DEK: variants seen among roughly 807,000 people sequenced by gnomAD.
DEK encodes protein DEK.
Under a neutral mutation model 46.8 loss-of-function variants are expected in DEK, and 28 were observed. That is an observed-to-expected ratio of 0.60 (90% CI 0.44 to 0.82). The LOEUF (loss-of-function observed/expected upper bound fraction) is 0.82. Ranked by LOEUF, DEK falls within the 40% of genes least tolerant of loss-of-function variation. The probability of loss-of-function intolerance (pLI) is 0.00; values close to 1 mark genes in which losing one functional copy is unlikely to be tolerated. For missense variants in DEK, 416 were observed against 430.6 expected (o/e 0.97, Z 0.30); for synonymous variants, 160 against 144.5 (o/e 1.11, Z -0.77).
chr6:18,236,568 G>T lies in DEK; in HGVS notation c.931C>A (p.Pro311Thr). Residue 311 changes from proline to threonine, a missense_variant, in exon 9 of 11, where the codon CCT (proline) becomes ACT (threonine). Coordinates refer to ENST00000652689, the MANE Select transcript of DEK (RefSeq NM_003472.4). The stretch of plus-strand genomic sequence containing the variant: ...GGTTTCTTCAACTTTTTAATTAAAG[G>T]TTCATCATCTGAACTATCCTCAGAC... ...SESEDSSDDE[P>T]LIKKLKKPPT... 1 of 1,580,010 alleles carries T rather than the reference G, an allele frequency of 6.3e-7. No individual in the cohort carries two copies. The highest frequency in any genetic ancestry group is 8.6e-7 in the Non-Finnish European group (1 of 1,169,044).
At chr6:18,241,124 T>C (rs1790875372) in intron 7 of DEK, among the ~76,000 whole-genome samples, 1 of 152,208 alleles carries the variant, frequency 6.6e-6, no homozygotes, top group Non-Finnish European at 1.5e-5. Flanking sequence ...TTGTATCTTG[T>C]GCTTTAGTCC....
chr6:18,254,061 T>A (rs75028548), intron 6 of DEK, among the ~76,000 whole-genome samples: 1 of 152,246 alleles, frequency 6.6e-6, no homozygotes, highest in East Asian at 1.9e-4. Context: ...CCAGGCACGG[T>A]AGCTCACGCC....
Position 18,258,064 on chromosome 6 carries a change from T to TG in DEK, c.248-3dup, listed in dbSNP as rs962586849. 1.9e-6 allele frequency: 3 copies of TG among 1,578,266 alleles called. No individual in the cohort carries two copies. Among genetic ancestry groups the TG allele is most frequent in the East Asian group, 2.2e-5 (1 of 44,626 alleles). On this transcript the variant is annotated splice_region_variant and splice_polypyrimidine_tract_variant and intron_variant, in intron 3 of 10. Transcript: ENST00000652689. Reference sequence around the variant, plus strand: ...TTTCACAAAGTTTCTGCCCCTTTCCTGGGGAAAAAAAAAAATCACAATTAA... The same window carrying TG: ...TTTCACAAAGTTTCTGCCCCTTTCCTGGGGGAAAAAAAAAAATCACAATTAA...
intron 7 of DEK, among the ~76,000 whole-genome samples, chr6:18,247,280 A>AG (rs973551428): frequency 6.6e-6 from 1 of 152,110 alleles, no homozygotes; most frequent in Non-Finnish European, 1.5e-5. Flanking sequence ...GGGAAAAAAA[A>AG]GGGGGGGAAA....
rs372079467 is a variant in DEK at position 18,249,790 on chromosome 6, C to T, written c.623G>A (p.Arg208Gln). 5.7e-5 allele frequency: 91 copies of T among 1,604,744 alleles called. No homozygotes were observed. Among genetic ancestry groups the T allele is most frequent in the Non-Finnish European group, 6.5e-5 (77 of 1,177,756 alleles). Reference protein sequence around the residue: ...KTCSKGSKKERNSSGMARKAK... With the variant: ...KTCSKGSKKEQNSSGMARKAK... ...CTTCCTTGCCATTCCAGAACTGTTC[C>T]GTTCCTTTTTACTGCCTTTGCTACA... The change falls in exon 7 of 11, where the codon CGG becomes CAG. Residue 208 changes from arginine (R) to glutamine (Q), a missense_variant. Arg to Gln is a conservative substitution (Grantham distance 43). Coordinates refer to ENST00000652689, the MANE Select transcript of DEK (RefSeq NM_003472.4).
intron 7 of DEK, among the ~76,000 whole-genome samples, chr6:18,239,460 T>C (rs1459127717): frequency 6.9e-6 from 1 of 145,918 alleles, no homozygotes; most frequent in Non-Finnish European, 1.5e-5. Context: ...ACACACCACC[T>C]CACCTGGCTG....
intron 6 of DEK, among the ~76,000 whole-genome samples, chr6:18,252,505 T>A (rs1791424015): frequency 1.5e-5 from 1 of 66,102 alleles, no homozygotes; most frequent in Non-Finnish European, 2.5e-5. Context: ...TAAAACGCTG[T>A]CTCCAAAAAA....
chr6:18,263,616 T>G (rs913114425), intron 2 of DEK, among the ~76,000 whole-genome samples: 1 of 152,130 alleles, frequency 6.6e-6, no homozygotes, highest in Non-Finnish European at 1.5e-5. Context: ...TGCACTCCAA[T>G]ACATCTCTAC....
chr6:18,255,993 C>CT (rs58144742), intron 5 of DEK, 142 bp from the exon 6 acceptor site: 11,359 of 712,684 alleles, frequency 0.016, no homozygotes, highest in East Asian at 0.054. Flanking sequence ...AATCTTTTTT[C>CT]TTTTTTTTTT....
At chr6:18,232,015 C>G (rs867160857) in intron 9 of DEK, among the ~76,000 whole-genome samples, 4 of 152,176 alleles carry the variant, frequency 2.6e-5, no homozygotes, top group South Asian at 4.2e-4. Flanking sequence ...CCTTATCTAC[C>G]ATGATTAAGT....
chr6:18,261,798 G>T (rs1254136218), intron 2 of DEK, among the ~76,000 whole-genome samples: 1 of 152,204 alleles, frequency 6.6e-6, no homozygotes, highest in Non-Finnish European at 1.5e-5. Flanking sequence ...TGGACTTACA[G>T]ATTTGGGACT....
intron 8 of DEK, 53 bp from the exon 9 acceptor site, chr6:18,236,653 A>G (rs1174435784): frequency 3.3e-6 from 4 of 1,229,200 alleles, no homozygotes; most frequent in Non-Finnish European, 3.2e-6. Flanking sequence ...TTAACATTTA[A>G]CAAAGGCTGA....
chr6:18,259,922 CCTA>C (rs1390868013), intron 2 of DEK, among the ~76,000 whole-genome samples: 2 of 152,128 alleles, frequency 1.3e-5, no homozygotes, highest in African/African-American at 4.8e-5. Flanking sequence ...TAAAACAACC[CCTA>C]CTATCACTCA....
In DEK at chr6:18,224,985, G is replaced by A. The variant is rs1272546989; in HGVS notation, c.*734C>T. The A allele has an allele frequency of 1.4e-5, 3 of 217,782 alleles. No individual in the cohort carries two copies. The East Asian group carries it at 2.0e-4, about 15-fold the overall frequency. The allele number at this position is 217,782 out of a possible 1,614,324, so 13.5% of individuals were successfully genotyped here. On this transcript the variant is annotated 3_prime_UTR_variant, in exon 11 of 11. Coordinates refer to ENST00000652689, the MANE Select transcript of DEK (RefSeq NM_003472.4). ...CTGTTCCTTCAGTGTTGCCATCACT[G>A]AATTGACTTTCACTGTTCCATCATA...
rs60332682 is a variant in DEK at position 18,237,860 on chromosome 6, C to CTTT, written c.763-347_763-345dup. On this transcript the variant is annotated intron_variant, in intron 7 of 10. Transcript: ENST00000652689. ...ATGTTCTCTCTCTTTCAACTGGAAT[C>CTTT]TTTTTTTTTTTTTTTTTTTTTTTTG... Among the ~76,000 whole-genome samples the CTTT allele has an allele frequency of 7.2e-3, 639 of 88,528 alleles. 1 individual carries two copies. The highest frequency in any genetic ancestry group is 0.012 in the East Asian group (34 of 2,836). The allele number at this position is 88,528 out of a possible 152,430, so 58.1% of individuals were successfully genotyped here.
Position 18,244,056 on chromosome 6 carries a change from T to C in DEK, c.762+5595A>G, listed in dbSNP as rs1048995175. 3.3e-5 allele frequency among the ~76,000 whole-genome samples: 5 copies of C among 152,208 alleles called. No homozygotes were observed. In the South Asian group the frequency reaches 6.2e-4, roughly 19 times the overall value. Reference sequence around the variant, plus strand: ...TTTAGTGATTATAATAAAAATTATATGGCATTGAGGAAATAATGTTGAAAA... The same window carrying C: ...TTTAGTGATTATAATAAAAATTATACGGCATTGAGGAAATAATGTTGAAAA... On this transcript the variant is annotated intron_variant, in intron 7 of 10. Coordinates refer to ENST00000652689, the MANE Select transcript of DEK (RefSeq NM_003472.4).
chr6:18,232,579 G>C (rs563434087), intron 9 of DEK, among the ~76,000 whole-genome samples: 3 of 151,996 alleles, frequency 2.0e-5, no homozygotes, highest in Admixed American at 6.6e-5. Context: ...AACAGACAGA[G>C]AGCCAAATAA....
At chr6:18,232,319 C>T (rs946266869) in intron 9 of DEK, among the ~76,000 whole-genome samples, 8 of 152,198 alleles carry the variant, frequency 5.3e-5, no homozygotes, top group Non-Finnish European at 8.8e-5. Flanking sequence ...GGGATGCCCT[C>T]TCTCACCACT....
chr6:18,242,999 G>A (rs1456459597), intron 7 of DEK, among the ~76,000 whole-genome samples: 2 of 152,152 alleles, frequency 1.3e-5, no homozygotes, highest in East Asian at 1.9e-4. Context: ...GGTGGGAAAC[G>A]TGAACAGAAA....
Sources: allele counts gnomAD v4.1 joint callset (sites outside exome capture counted in the v4.1 genomes callset), GRCh38; gene constraint gnomAD v4.1.1; transcripts MANE v1.5; gene names NCBI Gene and HGNC (gene_info 2026-07-23, HGNC 2026-07-21).